The following KIF15 variants were observed in gnomAD, a reference collection of about 807,000 sequenced individuals.
The protein encoded by KIF15 is kinesin family member 15.
In KIF15, 140 loss-of-function variants were observed where a neutral mutation model predicts 190.6. The observed-to-expected ratio is 0.73, with a 90% CI of 0.64 to 0.84. The LOEUF (loss-of-function observed/expected upper bound fraction) is 0.84. Among genes scored for constraint, KIF15 ranks in the 40% least tolerant of loss-of-function variants. The pLI is 0.00. For synonymous variants in KIF15, 528 were observed against 551.3 expected, an observed-to-expected ratio of 0.96 and a Z score of 0.59; for missense variants, 1,372 against 1,584.4, an observed-to-expected ratio of 0.87 and a Z score of 2.28.
chr3:44,797,791 G>C (rs760330908), intron 9 of KIF15, 43 bp from the exon 10 acceptor site: 1 of 1,607,904 alleles, frequency 6.2e-7, no homozygotes, highest in Admixed American at 1.7e-5. Context: ...AAAAGGTCTT[G>C]TGATTTCTCA....
intron 26 of KIF15, 121 bp from the exon 27 acceptor site, chr3:44,838,154 C>T: frequency 1.0e-6 from 1 of 990,736 alleles, no homozygotes; most frequent in African/African-American, 1.6e-5. Flanking sequence ...AGCACACAAG[C>T]AAAAGAAATA....
chr3:44,826,930 T>G lies in KIF15; in HGVS notation c.2786+470T>G, dbSNP rs369287553. The G allele has an allele frequency of 1.1e-4, 47 of 443,980 alleles. No homozygotes were observed. The East Asian group carries it at 1.5e-3, about 15-fold the overall frequency. 27.5% of individuals were successfully genotyped at this position (443,980 alleles called of 1,614,324 possible). A position where few individuals can be genotyped will look rare whatever the true frequency, so the allele number is the denominator to read the frequency against. On this transcript the variant is annotated intron_variant, in intron 22 of 34. Coordinates refer to ENST00000326047, the MANE Select transcript of KIF15 (RefSeq NM_020242.3). ...GTCACTAGGCTGAGAGTCACTCTAA[T>G]GAGAAGAATTTGTTTATTCAGTAGG...
At chr3:44,782,209 C>T (rs989187082) in intron 5 of KIF15, among the ~76,000 whole-genome samples, 1 of 152,140 alleles carries the variant, frequency 6.6e-6, no homozygotes, top group African/African-American at 2.4e-5. Flanking sequence ...CGCCACCACA[C>T]CCAGCTAATT....
chr3:44,832,720 T>C (rs1250487854), intron 26 of KIF15, among the ~76,000 whole-genome samples: 1 of 152,000 alleles, frequency 6.6e-6, no homozygotes, highest in Non-Finnish European at 1.5e-5. Flanking sequence ...ACATAAGATA[T>C]AAGATTAAAA....
intron 1 of KIF15, 120 bp downstream of exon 1, chr3:44,762,004 AC>A: frequency 7.9e-7 from 1 of 1,262,716 alleles, no homozygotes; most frequent in South Asian, 1.2e-5. Context: ...GAGCTGAGTG[AC>A]CGGCGGGGAC....
chr3:44,763,482 A>G (rs1705238593), intron 1 of KIF15, among the ~76,000 whole-genome samples: 1 of 151,404 alleles, frequency 6.6e-6, no homozygotes. Flanking sequence ...TTTTATTTTT[A>G]GTAAAGCCGG....
intron 1 of KIF15, among the ~76,000 whole-genome samples, chr3:44,764,502 T>C (rs1241276554): frequency 6.6e-6 from 1 of 152,196 alleles, no homozygotes; most frequent in Non-Finnish European, 1.5e-5. Flanking sequence ...CTCCTGTTGA[T>C]TGACATTTGG....
intron 22 of KIF15, 134 bp from the exon 23 acceptor site, chr3:44,827,325 C>T (rs1051118874): frequency 6.4e-6 from 4 of 623,866 alleles, no homozygotes; most frequent in African/African-American, 1.8e-5. Flanking sequence ...TTCTGATCCC[C>T]CCGGAAGGTA....
chr3:44,824,561 T>G (rs1412236919), intron 20 of KIF15, among the ~76,000 whole-genome samples: 1 of 152,228 alleles, frequency 6.6e-6, no homozygotes, highest in Non-Finnish European at 1.5e-5. Flanking sequence ...TGTTTTAACT[T>G]CTGAATCACT....
intron 15 of KIF15, among the ~76,000 whole-genome samples, chr3:44,805,623 C>A (rs982294653): frequency 2.6e-5 from 4 of 152,134 alleles, no homozygotes; most frequent in African/African-American, 9.7e-5. Context: ...TTTGTTTGGG[C>A]TTTTGAATTT....
chr3:44,763,772 C>G (rs1028942187), intron 1 of KIF15, among the ~76,000 whole-genome samples: 2 of 152,008 alleles, frequency 1.3e-5, no homozygotes, highest in African/African-American at 4.8e-5. Flanking sequence ...ACTGCAATCT[C>G]CACCTCCTGG....
At chr3:44,806,070 C>G in intron 16 of KIF15, 84 bp downstream of exon 16, 3 of 1,442,916 alleles carry the variant, frequency 2.1e-6, no homozygotes, top group Non-Finnish European at 2.8e-6. Context: ...TGGTCTATCT[C>G]CAGATGCAGA....
intron 6 of KIF15, among the ~76,000 whole-genome samples, chr3:44,861,605 G>A (rs1000861034): frequency 2.6e-5 from 4 of 152,194 alleles, no homozygotes; most frequent in African/African-American, 9.6e-5. Context: ...ACCGGGAGCC[G>A]GGTGGCCGGG....
At position 44,778,205 on chromosome 3, in the gene KIF15, T is replaced by C. The variant is rs1290354204; in HGVS notation, c.323+14T>C. On this transcript the variant is annotated intron_variant, in intron 4 of 34. Coordinates refer to ENST00000326047, the MANE Select transcript of KIF15 (RefSeq NM_020242.3). ...CATCTTTGCATAGTAAGTTGTTGAC[T>C]GTGTCCTTATACATAGTACATGCTT... 6.3e-7 allele frequency: 1 copy of C among 1,583,778 alleles called. No homozygotes were observed. The highest frequency in any genetic ancestry group is 1.3e-5 in the African/African-American group (1 of 74,328).
intron 8 of KIF15, among the ~76,000 whole-genome samples, chr3:44,794,745 A>C (rs1706889609): frequency 6.6e-6 from 1 of 152,078 alleles, no homozygotes; most frequent in Non-Finnish European, 1.5e-5. Flanking sequence ...GTAGATCACG[A>C]GGTCAGGAGA....
intron 20 of KIF15, among the ~76,000 whole-genome samples, chr3:44,818,503 T>A (rs1322179569): frequency 6.6e-6 from 1 of 152,244 alleles, no homozygotes; most frequent in South Asian, 2.1e-4. Context: ...GAGATAATCA[T>A]GTGGTTTTTG....
chr3:44,864,595 A>G (rs1699300426), intron 6 of KIF15, among the ~76,000 whole-genome samples: 2 of 152,172 alleles, frequency 1.3e-5, no homozygotes, highest in South Asian at 4.1e-4. Context: ...TCCAGGGTGG[A>G]GCCCTCATTC....
intron 16 of KIF15, 25 bp from the exon 17 acceptor site, chr3:44,810,821 T>G: frequency 4.5e-6 from 7 of 1,570,478 alleles, no homozygotes; most frequent in Non-Finnish European, 6.1e-6. Context: ...GTGCTAATGT[T>G]TTCCATAATC....
chr3:44,813,250 A>T (rs1707877024), intron 19 of KIF15, 70 bp downstream of exon 19: 1 of 868,538 alleles, frequency 1.2e-6, no homozygotes, highest in South Asian at 1.6e-5. Flanking sequence ...TACTTTTATT[A>T]ATAAATGCTG....
Sources: allele counts gnomAD v4.1 joint callset (sites outside exome capture counted in the v4.1 genomes callset), GRCh38; gene constraint gnomAD v4.1.1; transcripts MANE v1.5; gene names NCBI Gene and HGNC (gene_info 2026-07-23, HGNC 2026-07-21).